Variants in UBE2H observed in about 807,000 individuals in gnomAD.
UBE2H encodes ubiquitin conjugating enzyme E2 H.
In UBE2H, 3 loss-of-function variants were observed where a neutral mutation model predicts 29.0. The observed-to-expected ratio is 0.10, with a 90% confidence interval of 0.05 to 0.27. The LOEUF is 0.27. Among genes scored for constraint, UBE2H ranks in the 10% least tolerant of loss-of-function variants. UBE2H has a pLI of 1.00. For missense variants in UBE2H, 68 were observed against 228.2 expected, an observed-to-expected ratio of 0.30 and a Z score of 4.52; for synonymous variants, 69 against 82.9, an observed-to-expected ratio of 0.83 and a Z score of 0.91.
chr7:129,878,425 T>C (rs2116366116), intron 3 of UBE2H, among the ~76,000 whole-genome samples: 1 of 152,050 alleles, frequency 6.6e-6, no homozygotes, highest in East Asian at 1.9e-4. Flanking sequence ...GGCTCACGCC[T>C]GTAATTCCAG....
At chr7:129,929,827 T>C (rs558568491) in intron 1 of UBE2H, among the ~76,000 whole-genome samples, 8 of 152,274 alleles carry the variant, frequency 5.3e-5, no homozygotes, top group Admixed American at 4.6e-4. Context: ...CTGGCCAACA[T>C]GGTGAAACTC....
intron 1 of UBE2H, among the ~76,000 whole-genome samples, chr7:129,915,391 G>A (rs1425495874): frequency 2.0e-5 from 3 of 152,038 alleles, no homozygotes; most frequent in Non-Finnish European, 4.4e-5. Flanking sequence ...AAAATTAGCC[G>A]GGTGTGGTGG....
At chr7:129,906,505 T>C (rs1806820459) in intron 1 of UBE2H, among the ~76,000 whole-genome samples, 2 of 152,042 alleles carry the variant, frequency 1.3e-5, no homozygotes, top group African/African-American at 4.8e-5. Context: ...CGCCCAGCCC[T>C]GAGTAAAGCC....
chr7:129,834,641 C>G lies in UBE2H; in HGVS notation c.*296G>C, dbSNP rs1454469048. 7.5e-5 allele frequency: 17 copies of G among 228,012 alleles called. No homozygotes were observed. The East Asian group carries it at 1.7e-3, about 22-fold the overall frequency. The allele number at this position is 228,012 out of a possible 1,614,324, so 14.1% of individuals were successfully genotyped here. Reference sequence around the variant, plus strand: ...ATCTACCTATCAGAGCGGCTATTTCCTTCGACAGTTCAGTAGCACACAGGC... The same window carrying G: ...ATCTACCTATCAGAGCGGCTATTTCGTTCGACAGTTCAGTAGCACACAGGC... On this transcript the variant is annotated 3_prime_UTR_variant, in exon 7 of 7. Transcript: ENST00000355621.
chr7:129,858,793 T>C, intron 4 of UBE2H, 109 bp downstream of exon 4: 1 of 970,654 alleles, frequency 1.0e-6, no homozygotes, highest in Non-Finnish European at 1.6e-6. Flanking sequence ...CATACAGTCC[T>C]ACCTCCTGAT....
chr7:129,839,760 G>A (rs901989850), intron 5 of UBE2H: 13 of 213,980 alleles, frequency 6.1e-5, no homozygotes, highest in Admixed American at 1.9e-4. Context: ...GCCCAGGCTG[G>A]AGTGCAGTGG....
At chr7:129,852,737 T>C (rs2116304044) in intron 5 of UBE2H, among the ~76,000 whole-genome samples, 1 of 152,262 alleles carries the variant, frequency 6.6e-6, no homozygotes, top group South Asian at 2.1e-4. Context: ...TTTTGTTTGT[T>C]TTTTTGAGAT....
chr7:129,864,620 C>A (rs1176262438), intron 3 of UBE2H, among the ~76,000 whole-genome samples: 1 of 139,530 alleles, frequency 7.2e-6, no homozygotes, highest in Non-Finnish European at 1.5e-5. Flanking sequence ...GTGGCGATCT[C>A]GGCTCACTGC....
chr7:129,936,422 G>A (rs886328614), intron 1 of UBE2H, among the ~76,000 whole-genome samples: 6 of 151,804 alleles, frequency 4.0e-5, no homozygotes, highest in African/African-American at 7.3e-5. Context: ...GTGAAACTCC[G>A]TCTCTACTAA....
Position 129,934,347 on chromosome 7 carries a change from A to G in UBE2H, c.53+18156T>C, listed in dbSNP as rs576241847. Reference sequence around the variant, plus strand: ...AAAAACAAAAAAGAACAACAAAAACATGAGCTGAGGCCAGGAGTGGTGGCT... The same window carrying G: ...AAAAACAAAAAAGAACAACAAAAACGTGAGCTGAGGCCAGGAGTGGTGGCT... On this transcript the variant is annotated intron_variant, in intron 1 of 6. Transcript: ENST00000355621. 5.9e-5 allele frequency among the ~76,000 whole-genome samples: 9 copies of G among 151,604 alleles called. No individual in the cohort carries two copies. The East Asian group carries it at 1.6e-3, about 26-fold the overall frequency.
intron 1 of UBE2H, among the ~76,000 whole-genome samples, chr7:129,889,708 G>T (rs1806435028): frequency 6.6e-6 from 1 of 152,194 alleles, no homozygotes. Flanking sequence ...GAGGCCGGGT[G>T]TAGTGGTTCA....
intron 3 of UBE2H, among the ~76,000 whole-genome samples, chr7:129,874,471 A>G (rs530334697): frequency 1.3e-5 from 2 of 151,934 alleles, no homozygotes; most frequent in South Asian, 4.2e-4. Flanking sequence ...CACCACGCCC[A>G]GCTAATTTTT....
At chr7:129,870,263 CT>C (rs1164190029) in intron 3 of UBE2H, among the ~76,000 whole-genome samples, 2 of 152,168 alleles carry the variant, frequency 1.3e-5, no homozygotes, top group Non-Finnish European at 2.9e-5. Context: ...CAAGCTCTCC[CT>C]TTTCTAAACA....
chr7:129,868,841 C>T (rs1241390684), intron 3 of UBE2H, among the ~76,000 whole-genome samples: 1 of 152,080 alleles, frequency 6.6e-6, no homozygotes, highest in Non-Finnish European at 1.5e-5. Context: ...ACTTCAGCAC[C>T]TGGCTTGGCC....
chr7:129,907,411 T>C (rs1806842420), intron 1 of UBE2H, among the ~76,000 whole-genome samples: 1 of 152,120 alleles, frequency 6.6e-6, no homozygotes, highest in Non-Finnish European at 1.5e-5. Context: ...AGGAATATCA[T>C]AGGCAGGGTA....
At chr7:129,897,520 G>C (rs937653053) in intron 1 of UBE2H, among the ~76,000 whole-genome samples, 4 of 152,132 alleles carry the variant, frequency 2.6e-5, no homozygotes, top group African/African-American at 9.7e-5. Flanking sequence ...GAGAATACTA[G>C]ACTTCGGCCT....
At chr7:129,939,043 T>C (rs1038101999) in intron 1 of UBE2H, among the ~76,000 whole-genome samples, 3 of 152,094 alleles carry the variant, frequency 2.0e-5, no homozygotes, top group Admixed American at 6.6e-5. Flanking sequence ...AGGTGATCTA[T>C]CCGCCTTGGC....
At chr7:129,899,688 G>C (rs916825855) in intron 1 of UBE2H, among the ~76,000 whole-genome samples, 1 of 152,206 alleles carries the variant, frequency 6.6e-6, no homozygotes, top group Non-Finnish European at 1.5e-5. Flanking sequence ...CCTAACGTGT[G>C]AGACAGGTTA....
intron 3 of UBE2H, among the ~76,000 whole-genome samples, chr7:129,867,699 T>TAAAAAAAAAAAAAAAAAGAAAAAAAAAA (rs1805933823): frequency 3.4e-5 from 1 of 29,644 alleles, no homozygotes; most frequent in Non-Finnish European, 5.8e-5. Flanking sequence ...TAGAGTATAA[T>TAAAAAAAAAAAAAAAAAGAAAAAAAAAA]AAAAAAAAAA....
Sources: allele counts gnomAD v4.1 joint callset (sites outside exome capture counted in the v4.1 genomes callset), GRCh38; gene constraint gnomAD v4.1.1; transcripts MANE v1.5; gene names NCBI Gene and HGNC (gene_info 2026-07-23, HGNC 2026-07-21).